The following MYOF variants were observed in gnomAD, a reference collection of about 807,000 sequenced individuals.
MYOF encodes myoferlin.
A neutral mutation model predicts 284.2 loss-of-function variants in MYOF; 244 were observed. That is an observed-to-expected ratio of 0.86 (90% CI 0.77 to 0.95). MYOF has a LOEUF of 0.95. MYOF is among the 40% of genes least tolerant of loss of function. The pLI is 0.00. For missense variants in MYOF, 2,496 were observed against 2,560.6 expected (o/e 0.97, Z 0.54); for synonymous variants, 904 against 919.7 (o/e 0.98, Z 0.31).
intron 48 of MYOF, among the ~76,000 whole-genome samples, chr10:93,322,369 A>G (rs55663080): frequency 0.045 from 6,815 of 152,276 alleles, 527 homozygotes; most frequent in African/African-American, 0.16. Flanking sequence ...CTGGGAAGGA[A>G]GAATAATCAT....
chr10:93,455,819 G>T lies in MYOF; in HGVS notation c.144+1063C>A, dbSNP rs567562632. ...AGACATTCATTATTGCTCTTGTCCA[G>T]GGAGGTTTGACCCAGCTTTTGAAAA... On this transcript the variant is annotated intron_variant, in intron 2 of 53. Transcript: ENST00000359263. 3.9e-5 allele frequency among the ~76,000 whole-genome samples: 6 copies of T among 152,290 alleles called. No individual in the cohort carries two copies. The East Asian group carries it at 1.2e-3, about 29-fold the overall frequency.
Position 93,335,938 on chromosome 10 carries a change from C to T in MYOF, c.4546G>A (p.Val1516Met), listed in dbSNP as rs550764306. The T allele has an allele frequency of 6.8e-6, 11 of 1,614,178 alleles. No individual in the cohort carries two copies. In the East Asian group the frequency reaches 1.8e-4, roughly 26 times the overall value. The change falls in exon 41 of 54, where the codon GTG (valine) becomes ATG (methionine). Residue 1516 changes from valine (V) to methionine (M), a missense_variant. Transcript: ENST00000359263. ...TTACTCACCTTAAACTCTCCAACCA[C>T]AGAAGGATCTTCATTTTCATCCGAC... ...GKSDENEDPS[V>M]VGEFKGSFRI...
At position 93,393,029 on chromosome 10, in the gene MYOF, C is replaced by G. The variant is rs1846778425; in HGVS notation, c.1418-74G>C. 6 of 1,321,346 alleles carry G rather than the reference C, an allele frequency of 4.5e-6. No individual in the cohort carries two copies. The Admixed American group carries it at 1.0e-4, about 23-fold the overall frequency. 81.9% of individuals were successfully genotyped at this position (1,321,346 alleles called of 1,614,324 possible). A position where few individuals can be genotyped will look rare whatever the true frequency, so the allele number is the denominator to read the frequency against. ...TAAAACAGACATTGAAAACGTTAAT[C>G]AAATCCAGTGCCAGGTATGTGATTT... On this transcript the variant is annotated intron_variant, in intron 16 of 53. Coordinates refer to ENST00000359263, the MANE Select transcript of MYOF (RefSeq NM_013451.4).
chr10:93,347,552 C>T (rs1844257074), intron 37 of MYOF, 65 bp downstream of exon 37: 1 of 372,598 alleles, frequency 2.7e-6, no homozygotes, highest in Non-Finnish European at 3.7e-6. Flanking sequence ...GAGCGAGACT[C>T]CGTCTCAAAA....
At chr10:93,464,684 A>T (rs2056962579) in intron 1 of MYOF, among the ~76,000 whole-genome samples, 3 of 152,148 alleles carry the variant, frequency 2.0e-5, no homozygotes. Context: ...TTTCCCCCAG[A>T]CTTATGGTAC....
At chr10:93,372,606 T>TCACTAGAA (rs1415586624) in intron 24 of MYOF, among the ~76,000 whole-genome samples, 3 of 152,120 alleles carry the variant, frequency 2.0e-5, no homozygotes, top group Non-Finnish European at 4.4e-5. Flanking sequence ...TCCCCAACAT[T>TCACTAGAA]CACTAGAATG....
chr10:93,387,509 C>G (rs1023412260), intron 19 of MYOF, among the ~76,000 whole-genome samples: 3 of 152,226 alleles, frequency 2.0e-5, no homozygotes, highest in African/African-American at 7.2e-5. Flanking sequence ...GAGGTGGCAC[C>G]TACAGCTCTT....
chr10:93,328,815 T>C lies in MYOF; in HGVS notation c.5079A>G (p.Glu1693=), dbSNP rs896351412. 6.2e-7 allele frequency: 1 copy of C among 1,613,750 alleles called. No individual in the cohort carries two copies. The highest frequency in any genetic ancestry group is 1.3e-5 in the African/African-American group (1 of 75,060). The change falls in exon 45 of 54, where the codon GAA becomes GAG. Residue 1693 remains glutamate (E), a synonymous_variant. Coordinates refer to ENST00000359263, the MANE Select transcript of MYOF (RefSeq NM_013451.4). ...FKGFPQPILS[E]DGSRIRYGGR... is the part of the protein sequence containing the mutation. The stretch of plus-strand genomic sequence containing the variant: ...CTCCATATCTGATTCTACTCCCATC[T>C]TCGGAAAGGATGGGTTGTGGGAAGC...
chr10:93,358,946 T>TA (rs371226480), intron 29 of MYOF, among the ~76,000 whole-genome samples: 3,368 of 146,018 alleles, frequency 0.023, 56 homozygotes, highest in Non-Finnish European at 0.033. Flanking sequence ...GAACTTAAAT[T>TA]AAAAAAAAAA....
intron 50 of MYOF, 108 bp from the exon 51 acceptor site, chr10:93,313,318 A>G (rs902841422): frequency 8.3e-6 from 9 of 1,084,382 alleles, no homozygotes; most frequent in Non-Finnish European, 1.2e-5. Context: ...GTGATTTTGA[A>G]CAGGTAAATG....
intron 14 of MYOF, 40 bp downstream of exon 14, chr10:93,397,347 GT>G: frequency 6.3e-7 from 1 of 1,592,752 alleles, no homozygotes; most frequent in Non-Finnish European, 8.6e-7. Flanking sequence ...TAATTATTAA[GT>G]AAGTATTCTT....
At chr10:93,431,917 T>G (rs1032852335) in intron 3 of MYOF, among the ~76,000 whole-genome samples, 2 of 152,076 alleles carry the variant, frequency 1.3e-5, no homozygotes, top group Non-Finnish European at 2.9e-5. Flanking sequence ...AGCTAATTTT[T>G]GTATTTTTCC....
At chr10:93,435,229 C>T (rs760761366) in intron 3 of MYOF, among the ~76,000 whole-genome samples, 1 of 152,168 alleles carries the variant, frequency 6.6e-6, no homozygotes, top group Non-Finnish European at 1.5e-5. Flanking sequence ...GAATCTCTGT[C>T]ATCAATAAAC....
At chr10:93,321,759 G>A (rs75586650) in intron 48 of MYOF, among the ~76,000 whole-genome samples, 7,125 of 152,078 alleles carry the variant, frequency 0.047, 235 homozygotes, top group Non-Finnish European at 0.067. Context: ...TTTAAGACAA[G>A]TCAAACAGCT....
intron 3 of MYOF, among the ~76,000 whole-genome samples, chr10:93,445,827 A>C (rs1217460084): frequency 6.6e-6 from 1 of 152,210 alleles, no homozygotes; most frequent in Non-Finnish European, 1.5e-5. Flanking sequence ...CAGGCAGGAC[A>C]TTCCTTAAGC....
rs181567087 is a variant in MYOF, at chr10:93,398,461, C to T, written c.1221+931G>A. On this transcript the variant is annotated intron_variant, in intron 13 of 53. Transcript: ENST00000359263. ...TCTGTCTCTTCTATTCCCATGTGTT[C>T]GTTTCTATATCCCAGCACATGGGAC... 6.6e-5 allele frequency among the ~76,000 whole-genome samples: 10 copies of T among 152,264 alleles called. No homozygotes were observed. In the East Asian group the frequency reaches 7.7e-4, roughly 12 times the overall value.
chr10:93,473,844 C>G (rs940695420), intron 1 of MYOF, among the ~76,000 whole-genome samples: 5 of 152,146 alleles, frequency 3.3e-5, no homozygotes, highest in African/African-American at 1.2e-4. Flanking sequence ...AATGCTCCCC[C>G]ATTTGATCTT....
rs531972557 is a variant in MYOF at position 93,345,480 on chromosome 10, C to T, written c.4250-1548G>A. On this transcript the variant is annotated intron_variant, in intron 37 of 53. Transcript: ENST00000359263. ...GGAGGGGAGACTGACATTTCCTGAG[C>T]ATCTGTGATATATCAGTTACTGTGT... 3.3e-5 allele frequency among the ~76,000 whole-genome samples: 5 copies of T among 152,266 alleles called. No homozygotes were observed. In the East Asian group the frequency reaches 9.7e-4, roughly 29 times the overall value.
intron 20 of MYOF, among the ~76,000 whole-genome samples, chr10:93,380,357 T>C (rs1050858093): frequency 2.0e-5 from 3 of 152,232 alleles, no homozygotes; most frequent in African/African-American, 7.2e-5. Flanking sequence ...TCTAAATAAA[T>C]GTTTTTGTTG....
Sources: allele counts gnomAD v4.1 joint callset (sites outside exome capture counted in the v4.1 genomes callset), GRCh38; gene constraint gnomAD v4.1.1; transcripts MANE v1.5; gene names NCBI Gene and HGNC (gene_info 2026-07-23, HGNC 2026-07-21).